Variants in MTF2 observed in about 807,000 individuals in gnomAD.
MTF2 encodes metal-response element-binding transcription factor 2.
A neutral mutation model predicts 79.5 loss-of-function variants in MTF2; 11 were observed. The ratio of observed to expected loss-of-function variants is 0.14; its 90% CI spans 0.09 to 0.23. The LOEUF (loss-of-function observed/expected upper bound fraction) is 0.23, where lower values mean the gene tolerates loss of function less well. MTF2 is among the 10% of genes least tolerant of loss of function. MTF2 has a pLI of 1.00. For missense variants in MTF2, 486 were observed against 711.2 expected, an observed-to-expected ratio of 0.68 and a Z score of 3.60; for synonymous variants, 208 against 232.8, an observed-to-expected ratio of 0.89 and a Z score of 0.97.
At chr1:93,115,130 G>T in intron 5 of MTF2, 42 bp downstream of exon 5, 1 of 1,387,126 alleles carries the variant, frequency 7.2e-7, no homozygotes, top group Non-Finnish European at 1.0e-6. Context: ...GATGGAATTT[G>T]TAAGACATTA....
At chr1:93,093,888 T>C (rs1655173931) in intron 1 of MTF2, among the ~76,000 whole-genome samples, 1 of 152,174 alleles carries the variant, frequency 6.6e-6, no homozygotes, top group Non-Finnish European at 1.5e-5. Context: ...TTACTCTTTT[T>C]AGTCCCTTGA....
In MTF2 at chr1:93,139,004, A is replaced by G. The variant is rs150090626; in HGVS notation, c.*1977A>G. ...GGTGGTTCACATGGCTCTGATGTTC[A>G]GTTTGTATTTTTGGAATTGCTTTAC... On this transcript the variant is annotated 3_prime_UTR_variant, in exon 15 of 15. Coordinates refer to ENST00000370298, the MANE Select transcript of MTF2 (RefSeq NM_007358.4). 361 of 152,306 alleles carry G rather than the reference A, an allele frequency of 2.4e-3. 2 individuals carry two copies. Among genetic ancestry groups the G allele is most frequent in the African/African-American group, 7.5e-3 (312 of 41,572 alleles). 9.4% of individuals were successfully genotyped at this position (152,306 alleles called of 1,614,324 possible). A position where few individuals can be genotyped will look rare whatever the true frequency, so the allele number is the denominator to read the frequency against.
chr1:93,101,553 A>G (rs1226679475), intron 1 of MTF2, among the ~76,000 whole-genome samples: 1 of 94,774 alleles, frequency 1.1e-5, no homozygotes, highest in East Asian at 3.4e-4. Context: ...TGGTCTTGCC[A>G]TGTTGCTCAG....
At chr1:93,134,216 TTTTTTTTAC>T in intron 14 of MTF2, 21 bp downstream of exon 14, 1 of 1,463,026 alleles carries the variant, frequency 6.8e-7, no homozygotes, top group South Asian at 1.2e-5. Context: ...TACATTCTTA[TTTTTTTTAC>T]TTTTTTTACT....
chr1:93,121,092 T>G (rs1656458523), intron 9 of MTF2: 1 of 978,474 alleles, frequency 1.0e-6, no homozygotes, highest in Non-Finnish European at 1.2e-6. Context: ...TTCTGACTTG[T>G]AGGAATGGTG....
chr1:93,102,798 A>T (rs985702011), intron 1 of MTF2, among the ~76,000 whole-genome samples: 1 of 152,030 alleles, frequency 6.6e-6, no homozygotes, highest in African/African-American at 2.4e-5. Flanking sequence ...ACATATGAGG[A>T]TGGGGGGATA....
chr1:93,136,586 GTAATCCAGAA>G (rs1379238331), intron 14 of MTF2, 74 bp from the exon 15 acceptor site: 1 of 1,102,668 alleles, frequency 9.1e-7, no homozygotes, highest in Non-Finnish European at 1.3e-6. Flanking sequence ...GTATAGTAGA[GTAATCCAGAA>G]AAGAGAACAT....
At chr1:93,112,116 G>C (rs1571236474) in intron 3 of MTF2, among the ~76,000 whole-genome samples, 1 of 152,154 alleles carries the variant, frequency 6.6e-6, no homozygotes, top group Admixed American at 6.5e-5. Flanking sequence ...TTAATGTTCT[G>C]TGGTTGTTCT....
Position 93,118,457 on chromosome 1 carries a change from A to T in MTF2, c.728+17A>T, listed in dbSNP as rs1656341299. 6.6e-7 allele frequency: 1 copy of T among 1,519,824 alleles called. No homozygotes were observed. Among genetic ancestry groups the T allele is most frequent in the Non-Finnish European group, 8.9e-7 (1 of 1,121,020 alleles). 94.1% of individuals were successfully genotyped at this position (1,519,824 alleles called of 1,614,324 possible). A position where few individuals can be genotyped will look rare whatever the true frequency, so the allele number is the denominator to read the frequency against. Reference sequence around the variant, plus strand: ...TGGAGACAGGTGAGAAGGGCATTTGAACTTTACTGGCTGATTTTTGTCACT... The same window carrying T: ...TGGAGACAGGTGAGAAGGGCATTTGTACTTTACTGGCTGATTTTTGTCACT... On this transcript the variant is annotated intron_variant, in intron 7 of 14. Transcript: ENST00000370298.
At chr1:93,135,073 A>G (rs12736775) in intron 14 of MTF2, among the ~76,000 whole-genome samples, 56,206 of 152,000 alleles carry the variant, frequency 0.37, 14,680 homozygotes, top group African/African-American at 0.74. Context: ...GGATTCAAGC[A>G]ATTCTGGCAC....
chr1:93,104,400 C>A (rs1018679283), intron 1 of MTF2, among the ~76,000 whole-genome samples: 2 of 151,444 alleles, frequency 1.3e-5, no homozygotes, highest in African/African-American at 2.4e-5. Flanking sequence ...AAAAATGTAC[C>A]CCGGGCGCTG....
chr1:93,118,119 A>G (rs1309766178), intron 6 of MTF2, among the ~76,000 whole-genome samples: 1 of 152,194 alleles, frequency 6.6e-6, no homozygotes, highest in East Asian at 1.9e-4. Flanking sequence ...GTATCTTTCA[A>G]GAGCTTATAA....
At chr1:93,092,896 T>G (rs981199539) in intron 1 of MTF2, among the ~76,000 whole-genome samples, 1 of 151,924 alleles carries the variant, frequency 6.6e-6, no homozygotes, top group Admixed American at 6.6e-5. Flanking sequence ...TGTAAAGAAT[T>G]TAGAGGCCGG....
rs1647478858 is a variant in MTF2, at chr1:93,138,223, A to C, written c.*1196A>C. 1 of 152,218 alleles carries C rather than the reference A, an allele frequency of 6.6e-6. No homozygotes were observed. Among genetic ancestry groups the C allele is most frequent in the African/African-American group, 2.4e-5 (1 of 41,470 alleles). 9.4% of individuals were successfully genotyped at this position (152,218 alleles called of 1,614,324 possible). A position where few individuals can be genotyped will look rare whatever the true frequency, so the allele number is the denominator to read the frequency against. On this transcript the variant is annotated 3_prime_UTR_variant, in exon 15 of 15. Transcript: ENST00000370298. ...TGATAACTTTATTTTACTTGTAAAA[A>C]AAAAGTTTCTTTTATCACCAGTGTT...
chr1:93,082,622 AG>A (rs1235659638), intron 1 of MTF2, among the ~76,000 whole-genome samples: 1 of 152,052 alleles, frequency 6.6e-6, no homozygotes, highest in African/African-American at 2.4e-5. Context: ...TTTTAGGTGA[AG>A]TTTACATATA....
rs1654498036 is a variant in MTF2, at chr1:93,079,389, G to T, written c.-138G>T. 1.9e-6 allele frequency: 2 copies of T among 1,066,018 alleles called. No homozygotes were observed. Among genetic ancestry groups the T allele is most frequent in the East Asian group, 4.8e-5 (2 of 41,722 alleles). 66.0% of individuals were successfully genotyped at this position (1,066,018 alleles called of 1,614,324 possible). On this transcript the variant is annotated 5_prime_UTR_variant, in exon 1 of 15. Transcript: ENST00000370298. ...CCCAACCCTTGTCTCCAAGGACCTC[G>T]GTTTGTGCGTGCATATGTGCCGGGT...
intron 1 of MTF2, among the ~76,000 whole-genome samples, chr1:93,096,449 T>C (rs985829467): frequency 6.6e-6 from 1 of 152,176 alleles, no homozygotes; most frequent in Non-Finnish European, 1.5e-5. Flanking sequence ...ATGAATAATA[T>C]TTCCCAAATG....
chr1:93,097,963 T>C (rs1655366595), intron 1 of MTF2, among the ~76,000 whole-genome samples: 1 of 152,178 alleles, frequency 6.6e-6, no homozygotes, highest in African/African-American at 2.4e-5. Context: ...TTTTGCATAG[T>C]GTTTGTTTAT....
At chr1:93,097,780 TAG>T (rs1315805855) in intron 1 of MTF2, among the ~76,000 whole-genome samples, 1 of 152,142 alleles carries the variant, frequency 6.6e-6, no homozygotes, top group African/African-American at 2.4e-5. Flanking sequence ...GTATTTTTAG[TAG>T]AGACGGGGTT....
Sources: allele counts gnomAD v4.1 joint callset (sites outside exome capture counted in the v4.1 genomes callset), GRCh38; gene constraint gnomAD v4.1.1; transcripts MANE v1.5; gene names NCBI Gene and HGNC (gene_info 2026-07-23, HGNC 2026-07-21).